EMP2: variants seen among roughly 807,000 people sequenced by gnomAD.
EMP2 encodes the protein epithelial membrane protein 2.
Under a neutral mutation model 13.7 loss-of-function variants are expected in EMP2, and 19 were observed. The ratio of observed to expected loss-of-function variants is 1.38; its 90% confidence interval spans 0.97 to 2.03. The LOEUF (loss-of-function observed/expected upper bound fraction) is 2.03, where lower values mean the gene tolerates loss of function less well. Ranked by LOEUF, EMP2 falls within the 30% of genes most tolerant of loss-of-function variation. The pLI, the probability that EMP2 is intolerant of heterozygous loss-of-function variation, is 0.00. For missense variants in EMP2, 253 were observed against 220.7 expected (o/e 1.15, Z -0.93); for synonymous variants, 97 against 84.7 (o/e 1.15, Z -0.80).
At chr16:10,570,094 T>C (rs2050936824) in intron 1 of EMP2, among the ~76,000 whole-genome samples, 1 of 152,112 alleles carries the variant, frequency 6.6e-6, no homozygotes, top group African/African-American at 2.4e-5. Context: ...TGGTGAACTA[T>C]CAGATAGGAA....
chr16:10,540,264 G>A (rs541680339), intron 3 of EMP2, among the ~76,000 whole-genome samples: 2 of 152,208 alleles, frequency 1.3e-5, no homozygotes, highest in Non-Finnish European at 2.9e-5. Context: ...CCAGCACTAT[G>A]GGAGGCAGAG....
At chr16:10,575,795 G>C (rs2050980410) in intron 1 of EMP2, among the ~76,000 whole-genome samples, 1 of 151,998 alleles carries the variant, frequency 6.6e-6, no homozygotes, top group Non-Finnish European at 1.5e-5. Flanking sequence ...AGCTGGCAAA[G>C]GTCATCAGAG....
intron 3 of EMP2, among the ~76,000 whole-genome samples, chr16:10,543,034 T>C (rs907665526): frequency 4.6e-5 from 7 of 152,116 alleles, no homozygotes; most frequent in Non-Finnish European, 8.8e-5. Flanking sequence ...TTAGTAGAGA[T>C]GGGGTTTCGC....
At chr16:10,579,020 T>C (rs537336849) in intron 1 of EMP2, among the ~76,000 whole-genome samples, 1 of 152,342 alleles carries the variant, frequency 6.6e-6, no homozygotes, top group East Asian at 1.9e-4. Flanking sequence ...TCTTTGCATT[T>C]ACCAGCTCAG....
chr16:10,575,034 T>A (rs1028707547), intron 1 of EMP2, among the ~76,000 whole-genome samples: 1 of 152,036 alleles, frequency 6.6e-6, no homozygotes, highest in African/African-American at 2.4e-5. Context: ...TACAGGTATG[T>A]GCCACCACAT....
chr16:10,545,428 T>G (rs1490354833), intron 2 of EMP2: 1 of 152,220 alleles, frequency 6.6e-6, no homozygotes, highest in African/African-American at 2.4e-5. Flanking sequence ...GAAGGCAGCT[T>G]CATCTGTATT....
chr16:10,574,694 G>A (rs575322121), intron 1 of EMP2, among the ~76,000 whole-genome samples: 247 of 152,224 alleles, frequency 1.6e-3, no homozygotes, highest in African/African-American at 5.6e-3. Flanking sequence ...TGGGACTACA[G>A]GTGTGTGCCA....
intron 1 of EMP2, among the ~76,000 whole-genome samples, chr16:10,575,643 A>G (rs368080958): frequency 3.3e-5 from 5 of 152,120 alleles, no homozygotes; most frequent in African/African-American, 1.2e-4. Flanking sequence ...AGCTCACTGC[A>G]CAGAGTTGCT....
chr16:10,558,114 C>T (rs577590821), intron 1 of EMP2, among the ~76,000 whole-genome samples: 42 of 151,650 alleles, frequency 2.8e-4, no homozygotes, highest in African/African-American at 5.6e-4. Context: ...ACGGCAACCT[C>T]GAACTTTTGG....
At chr16:10,536,680 C>G (rs1230356710) in intron 4 of EMP2, among the ~76,000 whole-genome samples, 1 of 152,186 alleles carries the variant, frequency 6.6e-6, no homozygotes, top group Non-Finnish European at 1.5e-5. Context: ...ACAAGTGGTA[C>G]AGCACCCCAC....
At chr16:10,537,777 C>T (rs1169931170) in intron 4 of EMP2, 151 bp downstream of exon 4, 1 of 920,448 alleles carries the variant, frequency 1.1e-6, no homozygotes, top group Non-Finnish European at 1.6e-6. Flanking sequence ...CACACACACA[C>T]ACACGCAAAC....
chr16:10,530,406 G>T lies in EMP2; in HGVS notation c.*2499C>A, dbSNP rs1444156232. 1 of 152,594 alleles carries T rather than the reference G, an allele frequency of 6.6e-6. No homozygotes were observed. The highest frequency in any genetic ancestry group is 6.6e-5 in the Admixed American group (1 of 15,266). 9.5% of individuals were successfully genotyped at this position (152,594 alleles called of 1,614,324 possible). On this transcript the variant is annotated 3_prime_UTR_variant, in exon 5 of 5. Coordinates refer to ENST00000359543, the MANE Select transcript of EMP2 (RefSeq NM_001424.6). ...ACTACTCAAACCAGATGTCTCTTCA[G>T]CTCCACTGGAACTGAGCTGATGGCA...
At chr16:10,579,171 C>G (rs1318894153) in intron 1 of EMP2, among the ~76,000 whole-genome samples, 4 of 152,184 alleles carry the variant, frequency 2.6e-5, no homozygotes, top group African/African-American at 7.2e-5. Flanking sequence ...AAACCTCCAG[C>G]AGCTCAGGTC....
At chr16:10,557,356 CAA>C (rs71402497) in intron 1 of EMP2, among the ~76,000 whole-genome samples, 4 of 107,610 alleles carry the variant, frequency 3.7e-5, no homozygotes, top group African/African-American at 3.9e-5. Context: ...GACTCCATCT[CAA>C]AAAAAAAAAA....
At chr16:10,549,503 G>T (rs1180167473) in intron 1 of EMP2, among the ~76,000 whole-genome samples, 1 of 152,212 alleles carries the variant, frequency 6.6e-6, no homozygotes. Flanking sequence ...AAGGGAAGAT[G>T]TCACATCAAA....
chr16:10,537,318 G>A (rs1293697831), intron 4 of EMP2, among the ~76,000 whole-genome samples: 1 of 152,182 alleles, frequency 6.6e-6, no homozygotes, highest in Admixed American at 6.5e-5. Flanking sequence ...AGTTCCTCCA[G>A]GACTGAGGCT....
intron 1 of EMP2, among the ~76,000 whole-genome samples, chr16:10,577,063 T>C (rs1357388881): frequency 6.6e-6 from 1 of 152,160 alleles, no homozygotes; most frequent in Non-Finnish European, 1.5e-5. Flanking sequence ...GACCTGGGCC[T>C]GGAATCCCAC....
chr16:10,531,380 T>C lies in EMP2; in HGVS notation c.*1525A>G. On this transcript the variant is annotated 3_prime_UTR_variant, in exon 5 of 5. Coordinates refer to ENST00000359543, the MANE Select transcript of EMP2 (RefSeq NM_001424.6). ...TGGAGTCTCACTCTGTCACCCAGGC[T>C]GGAGTGCAGTGGCACGGTCTCGGCT... 1 of 153,106 alleles carries C rather than the reference T, an allele frequency of 6.5e-6. No individual in the cohort carries two copies. Among genetic ancestry groups the C allele is most frequent in the Non-Finnish European group, 1.5e-5 (1 of 68,748 alleles). 9.5% of individuals were successfully genotyped at this position (153,106 alleles called of 1,614,324 possible). A position where few individuals can be genotyped will look rare whatever the true frequency, so the allele number is the denominator to read the frequency against.
At chr16:10,556,819 C>A (rs542271258) in intron 1 of EMP2, among the ~76,000 whole-genome samples, 99 of 152,310 alleles carry the variant, frequency 6.5e-4, no homozygotes, top group Non-Finnish European at 1.1e-3. Context: ...ACTAGTTTTC[C>A]AGTTCCAAAT....
Sources: allele counts gnomAD v4.1 joint callset (sites outside exome capture counted in the v4.1 genomes callset), GRCh38; gene constraint gnomAD v4.1.1; transcripts MANE v1.5; gene names NCBI Gene and HGNC (gene_info 2026-07-23, HGNC 2026-07-21).